The following PTPRO variants were observed in gnomAD, a reference collection of about 807,000 sequenced individuals.
PTPRO encodes receptor-type tyrosine-protein phosphatase O.
A neutral mutation model predicts 145.2 loss-of-function variants in PTPRO; 62 were observed. The ratio of observed to expected loss-of-function variants is 0.43; its 90% confidence interval spans 0.35 to 0.53. PTPRO has a LOEUF of 0.53. Among genes scored for constraint, PTPRO ranks in the 20% least tolerant of loss-of-function variants. The pLI, the probability that PTPRO is intolerant of heterozygous loss-of-function variation, is 0.01. For missense variants in PTPRO, 1,345 were observed against 1,482.7 expected (o/e 0.91, Z 1.53); for synonymous variants, 565 against 514.7 (o/e 1.10, Z -1.32).
At chr12:15,340,516 G>GA (rs1463475808) in intron 1 of PTPRO, among the ~76,000 whole-genome samples, 2 of 152,102 alleles carry the variant, frequency 1.3e-5, no homozygotes, top group African/African-American at 2.4e-5. Context: ...CATGTTCCCA[G>GA]AAAAAAGTCT....
chr12:15,408,710 G>A (rs1261947976), intron 1 of PTPRO, among the ~76,000 whole-genome samples: 2 of 152,174 alleles, frequency 1.3e-5, no homozygotes, highest in African/African-American at 2.4e-5. Flanking sequence ...TTACAGGCGT[G>A]AGCCACCGTG....
intron 1 of PTPRO, among the ~76,000 whole-genome samples, chr12:15,360,457 T>C (rs1235829894): frequency 6.6e-6 from 1 of 151,992 alleles, no homozygotes; most frequent in Non-Finnish European, 1.5e-5. Context: ...CAATAAAACA[T>C]AGTGAAATTT....
chr12:15,522,895 C>T (rs1042923703), intron 10 of PTPRO, among the ~76,000 whole-genome samples: 1 of 152,156 alleles, frequency 6.6e-6, no homozygotes, highest in African/African-American at 2.4e-5. Flanking sequence ...GTTTCTTTTC[C>T]TCACTAAAAT....
At chr12:15,573,448 G>A (rs1337385875) in intron 19 of PTPRO, among the ~76,000 whole-genome samples, 8 of 152,134 alleles carry the variant, frequency 5.3e-5, no homozygotes, top group Non-Finnish European at 5.9e-5. Context: ...TCAAGTTGAC[G>A]TCTAAAATTA....
At chr12:15,441,434 C>T (rs533098084) in intron 1 of PTPRO, among the ~76,000 whole-genome samples, 2 of 152,212 alleles carry the variant, frequency 1.3e-5, no homozygotes, top group South Asian at 4.1e-4. Flanking sequence ...TCTAATATCA[C>T]ATCTAGAGGA....
intron 1 of PTPRO, among the ~76,000 whole-genome samples, chr12:15,397,122 C>A (rs995767397): frequency 1.1e-4 from 17 of 152,096 alleles, no homozygotes; most frequent in African/African-American, 3.9e-4. Context: ...AATATTTTAG[C>A]CACTGGCATA....
At chr12:15,390,922 G>A (rs762661580) in intron 1 of PTPRO, among the ~76,000 whole-genome samples, 2 of 152,170 alleles carry the variant, frequency 1.3e-5, no homozygotes, top group Non-Finnish European at 2.9e-5. Flanking sequence ...AGACCATTCA[G>A]TTCCTGGTAA....
chr12:15,580,261 A>T, intron 21 of PTPRO, 146 bp downstream of exon 21: 1 of 678,416 alleles, frequency 1.5e-6, no homozygotes, highest in Non-Finnish European at 2.6e-6. Flanking sequence ...ACTCCGTTTC[A>T]TAATAAAGAA....
At position 15,418,594 on chromosome 12, in the gene PTPRO, A is replaced by G. The variant is rs915837825; in HGVS notation, c.76-65380A>G. ...CATTAATCTAGAATTTGAAGGAAAAATGGGACCCACATCAGCATCATAGAG... is the reference window on the plus strand; with the variant it reads ...CATTAATCTAGAATTTGAAGGAAAAGTGGGACCCACATCAGCATCATAGAG... On this transcript the variant is annotated intron_variant, in intron 1 of 26. Transcript: ENST00000281171. Among the ~76,000 whole-genome samples, 34 of 151,900 alleles carry G rather than the reference A, an allele frequency of 2.2e-4. 1 individual carries two copies. The highest frequency in any genetic ancestry group is 3.3e-4 in the Admixed American group (5 of 15,288).
At chr12:15,390,778 A>G (rs1317260562) in intron 1 of PTPRO, among the ~76,000 whole-genome samples, 1 of 152,208 alleles carries the variant, frequency 6.6e-6, no homozygotes, top group Non-Finnish European at 1.5e-5. Context: ...GTCTGAGAGG[A>G]TAAGAAATGG....
rs567841214 is a variant in PTPRO, at chr12:15,376,854, T to A, written c.75+54053T>A. ...AGCCCCACACCCTAATTCTATCACA[T>A]TGGGGGTATTTCAATATATAAATGT... On this transcript the variant is annotated intron_variant, in intron 1 of 26. Coordinates refer to ENST00000281171, the MANE Select transcript of PTPRO (RefSeq NM_030667.3). 5.3e-5 allele frequency among the ~76,000 whole-genome samples: 8 copies of A among 152,204 alleles called. No homozygotes were observed. In the South Asian group the frequency reaches 1.7e-3, roughly 32 times the overall value.
At chr12:15,378,613 T>C (rs1938760925) in intron 1 of PTPRO, among the ~76,000 whole-genome samples, 1 of 152,080 alleles carries the variant, frequency 6.6e-6, no homozygotes, top group Non-Finnish European at 1.5e-5. Flanking sequence ...CTACCAAACA[T>C]TTATGGGAGA....
intron 12 of PTPRO, among the ~76,000 whole-genome samples, chr12:15,544,591 G>A (rs1364381932): frequency 6.6e-6 from 1 of 150,990 alleles, no homozygotes. Flanking sequence ...AATAAGGGAA[G>A]AGCCTCAGAA....
At chr12:15,490,599 T>A (rs1941980861) in intron 2 of PTPRO, among the ~76,000 whole-genome samples, 1 of 152,186 alleles carries the variant, frequency 6.6e-6, no homozygotes, top group Non-Finnish European at 1.5e-5. Flanking sequence ...CCTTGTGGAC[T>A]GTAGTTTGCT....
intron 10 of PTPRO, among the ~76,000 whole-genome samples, chr12:15,524,123 T>C (rs147729877): frequency 1.7e-3 from 229 of 137,420 alleles, no homozygotes; most frequent in African/African-American, 5.8e-3. Flanking sequence ...GATGATAAAG[T>C]AGCAAGCTCA....
At chr12:15,557,032 GTTT>G (rs552264784) in intron 15 of PTPRO, among the ~76,000 whole-genome samples, 220 of 139,938 alleles carry the variant, frequency 1.6e-3, no homozygotes, top group African/African-American at 5.4e-3. Context: ...CTTTTATTTT[GTTT>G]TTTTTTTTTT....
At position 15,581,692 on chromosome 12, in the gene PTPRO, A is replaced by G. The variant is rs774072609; in HGVS notation, c.3146A>G (p.His1049Arg). 2.5e-6 allele frequency: 4 copies of G among 1,613,966 alleles called. No homozygotes were observed. Among genetic ancestry groups the G allele is most frequent in the South Asian group, 1.1e-5 (1 of 91,086 alleles). ...CNEKRRVKCD[H>R]YWPFTEEPIA... ...TCCTTGCTCCAGGTGAAATGTGACC[A>G]TTACTGGCCATTCACGGAAGAACCT... is the stretch of plus-strand genomic sequence containing the variant. The change falls in exon 23 of 27, where the codon CAT becomes CGT. Residue 1049 changes from histidine to arginine, a missense_variant. Physicochemically the swap from His to Arg is conservative, Grantham distance 29. Coordinates refer to ENST00000281171, the MANE Select transcript of PTPRO (RefSeq NM_030667.3).
At chr12:15,422,272 T>TTTTG (rs1940167672) in intron 1 of PTPRO, among the ~76,000 whole-genome samples, 1 of 152,186 alleles carries the variant, frequency 6.6e-6, no homozygotes, top group Non-Finnish European at 1.5e-5. Flanking sequence ...TTTTCTTGTT[T>TTTTG]TTTGTTTGTT....
In PTPRO at chr12:15,508,591, G is replaced by A. The variant is rs753092917; in HGVS notation, c.1288G>A (p.Glu430Lys). The stretch of plus-strand genomic sequence containing the variant: ...TGCAGGTCCTTCAGGAGAGTGGATT[G>A]AAGAACTGACCGAGAAGCCGCAGCA... ...FYISPSGEWI[E>K]ELTEKPQHVS... Residue 430 changes from glutamate (E) to lysine (K), a missense_variant, in exon 7 of 27, where the codon GAA becomes AAA. This residue lies in a region of PTPRO where 1,130 missense variants were observed against 1,214.7 expected (regional missense o/e 0.93). Transcript: ENST00000281171. 6.8e-6 allele frequency: 11 copies of A among 1,613,930 alleles called. No individual in the cohort carries two copies. Among genetic ancestry groups the A allele is most frequent in the African/African-American group, 5.3e-5 (4 of 74,918 alleles).
Sources: gnomAD v4.1 joint callset for allele counts (sites outside exome capture counted in the v4.1 genomes callset) on GRCh38, gnomAD v4.1.1 for gene constraint, gnomAD v4.1.1 regional missense constraint, MANE v1.5 for transcripts, NCBI Gene and HGNC (gene_info 2026-07-23, HGNC 2026-07-21) for gene names.